TRAPPC11: variants seen among roughly 807,000 people sequenced by gnomAD.
The protein encoded by TRAPPC11 is foie gras homolog.
Under a neutral mutation model 151.2 loss-of-function variants are expected in TRAPPC11, and 104 were observed. That is an observed-to-expected ratio of 0.69 (90% CI 0.59 to 0.81). TRAPPC11 has a LOEUF of 0.81. Among genes scored for constraint, TRAPPC11 ranks in the 30% least tolerant of loss-of-function variants. TRAPPC11 has a pLI of 0.00. For synonymous variants in TRAPPC11, 456 were observed against 472.3 expected (o/e 0.97, Z 0.45); for missense variants, 1,230 against 1,349.6 (o/e 0.91, Z 1.39).
At position 183,694,050 on chromosome 4, in the gene TRAPPC11, C is replaced by G. The variant is rs1241844031; in HGVS notation, c.2508+12C>G. ...ATCCAGGGGAACAGGTAAACTTGGT[C>G]AACTGGGATTGAAGAGGAAATCAAT... On this transcript the variant is annotated intron_variant, in intron 22 of 29. Transcript: ENST00000334690. 1.2e-6 allele frequency: 2 copies of G among 1,612,180 alleles called. No individual in the cohort carries two copies. Among genetic ancestry groups the G allele is most frequent in the Non-Finnish European group, 1.7e-6 (2 of 1,179,004 alleles).
chr4:183,682,950 CATT>C (rs1735772849), intron 11 of TRAPPC11, 125 bp downstream of exon 11: 2 of 679,990 alleles, frequency 2.9e-6, no homozygotes, highest in Admixed American at 5.4e-5. Flanking sequence ...GCTTTTTAAA[CATT>C]GTTTTTGTTT....
chr4:183,666,818 A>G, intron 3 of TRAPPC11: 1 of 462,580 alleles, frequency 2.2e-6, no homozygotes, highest in East Asian at 3.3e-5. Flanking sequence ...ACGTAAAAGT[A>G]TACATTAATC....
chr4:183,697,446 A>G, intron 23 of TRAPPC11, 57 bp from the exon 24 acceptor site: 1 of 1,526,244 alleles, frequency 6.6e-7, no homozygotes, highest in Non-Finnish European at 8.9e-7. Flanking sequence ...GTTTTTTAAA[A>G]CTTTATATAA....
intron 28 of TRAPPC11, among the ~76,000 whole-genome samples, chr4:183,707,491 A>G (rs1442742212): frequency 6.6e-6 from 1 of 152,186 alleles, no homozygotes; most frequent in African/African-American, 2.4e-5. Context: ...AGCAAACAAA[A>G]TACCCAGGCA....
intron 19 of TRAPPC11, 97 bp from the exon 20 acceptor site, chr4:183,692,863 C>G: frequency 1.8e-6 from 2 of 1,122,872 alleles, no homozygotes; most frequent in Non-Finnish European, 2.5e-6. Context: ...TAGATGAACT[C>G]CATGGTCTTA....
At chr4:183,688,392 A>G (rs931548590) in intron 18 of TRAPPC11, among the ~76,000 whole-genome samples, 1 of 152,218 alleles carries the variant, frequency 6.6e-6, no homozygotes, top group Non-Finnish European at 1.5e-5. Context: ...TGTTTCTGGG[A>G]AAGTCACACC....
chr4:183,673,306 C>T (rs1398457327), intron 5 of TRAPPC11, among the ~76,000 whole-genome samples: 1 of 152,128 alleles, frequency 6.6e-6, no homozygotes, highest in Non-Finnish European at 1.5e-5. Flanking sequence ...TTCCTTCACA[C>T]ATTATTTGGT....
chr4:183,692,856 A>G, intron 19 of TRAPPC11, 104 bp from the exon 20 acceptor site: 1 of 1,031,034 alleles, frequency 9.7e-7, no homozygotes, highest in Non-Finnish European at 1.4e-6. Flanking sequence ...GGGTCTCTAG[A>G]TGAACTCCAT....
intron 1 of TRAPPC11, among the ~76,000 whole-genome samples, chr4:183,661,703 T>G (rs549795061): frequency 1.1e-4 from 17 of 151,926 alleles, no homozygotes; most frequent in Non-Finnish European, 1.8e-4. Flanking sequence ...CATGACACAT[T>G]CTTTTTCAAA....
intron 18 of TRAPPC11, among the ~76,000 whole-genome samples, chr4:183,688,930 A>C (rs1443633988): frequency 1.3e-5 from 2 of 151,880 alleles, no homozygotes; most frequent in Non-Finnish European, 2.9e-5. Flanking sequence ...GTATTTTTTT[A>C]TAGAGATGGA....
intron 2 of TRAPPC11, among the ~76,000 whole-genome samples, chr4:183,664,420 T>C (rs1324438858): frequency 6.6e-6 from 1 of 152,178 alleles, no homozygotes; most frequent in Admixed American, 6.5e-5. Context: ...GTCTGTGCAA[T>C]GTGGCTCAAT....
At chr4:183,693,220 G>T in intron 20 of TRAPPC11, 73 bp downstream of exon 20, 1 of 1,399,622 alleles carries the variant, frequency 7.1e-7, no homozygotes, top group South Asian at 1.4e-5. Context: ...TGGAGACAGA[G>T]TCTCTCTCTT....
chr4:183,693,948 C>G lies in TRAPPC11; in HGVS notation c.2418C>G (p.His806Gln). 6.2e-7 allele frequency: 1 copy of G among 1,613,846 alleles called. No homozygotes were observed. The highest frequency in any genetic ancestry group is 8.5e-7 in the Non-Finnish European group (1 of 1,179,764). The change falls in exon 22 of 30, where the codon CAC becomes CAG. Residue 806 changes from histidine to glutamine, a missense_variant. Coordinates refer to ENST00000334690, the MANE Select transcript of TRAPPC11 (RefSeq NM_021942.6). ...ATGCCAATTTAACTCAGAAGACTCA[C>G]GTGACTCTTCATGGAACAGAACTGT... ...GQDANLTQKT[H>Q]VTLHGTELCD...
chr4:183,684,939 T>G (rs1031971859), intron 15 of TRAPPC11, 98 bp downstream of exon 15: 2 of 1,311,054 alleles, frequency 1.5e-6, no homozygotes, highest in African/African-American at 3.0e-5. Flanking sequence ...CCCAGATAAT[T>G]AGTATACTTT....
intron 10 of TRAPPC11, 152 bp downstream of exon 10, chr4:183,680,419 GT>G: frequency 1.1e-6 from 1 of 888,722 alleles, no homozygotes; most frequent in East Asian, 3.0e-5. Context: ...TTGATCTTTG[GT>G]TTTAGCCTGA....
chr4:183,667,721 T>C (rs1734954680), intron 4 of TRAPPC11, among the ~76,000 whole-genome samples: 1 of 152,206 alleles, frequency 6.6e-6, no homozygotes, highest in South Asian at 2.1e-4. Flanking sequence ...CCAGTTTTAG[T>C]TATGTTTTTT....
At chr4:183,669,948 T>A (rs1735070382) in intron 5 of TRAPPC11, among the ~76,000 whole-genome samples, 1 of 152,214 alleles carries the variant, frequency 6.6e-6, no homozygotes, top group South Asian at 2.1e-4. Flanking sequence ...TCAAAATAAC[T>A]GATGTAAAAA....
chr4:183,706,096 A>ACACACACC (rs1554011940), intron 27 of TRAPPC11: 6 of 150,398 alleles, frequency 4.0e-5, no homozygotes, highest in African/African-American at 1.5e-4. Flanking sequence ...ACACACACAC[A>ACACACACC]CACCCACCAA....
At chr4:183,669,448 C>A (rs890914632) in intron 5 of TRAPPC11, among the ~76,000 whole-genome samples, 1 of 152,162 alleles carries the variant, frequency 6.6e-6, no homozygotes, top group Non-Finnish European at 1.5e-5. Flanking sequence ...ATTCACAGTG[C>A]TGTTCCTTGT....
Sources: allele counts gnomAD v4.1 joint callset (sites outside exome capture counted in the v4.1 genomes callset), GRCh38; gene constraint gnomAD v4.1.1; transcripts MANE v1.5; gene names NCBI Gene and HGNC (gene_info 2026-07-23, HGNC 2026-07-21).